Variants in STXBP5 observed in about 807,000 individuals in gnomAD.
STXBP5 encodes the protein syntaxin-binding protein 5.
In STXBP5, 50 loss-of-function variants were observed where a neutral mutation model predicts 152.4. The ratio of observed to expected loss-of-function variants is 0.33; its 90% CI spans 0.26 to 0.42. The LOEUF (loss-of-function observed/expected upper bound fraction) is 0.42. STXBP5 is among the 10% of genes least tolerant of loss of function. The pLI is 1.00. For synonymous variants in STXBP5, 492 were observed against 494.7 expected (o/e 0.99, Z 0.07); for missense variants, 1,167 against 1,388.6 (o/e 0.84, Z 2.54).
At position 147,314,043 on chromosome 6, in the gene STXBP5, G is replaced by A. The variant is rs937204127; in HGVS notation, c.1293+12G>A. The A allele has an allele frequency of 1.0e-5, 16 of 1,573,126 alleles. No individual in the cohort carries two copies. In the Admixed American group the frequency reaches 2.1e-4, roughly 21 times the overall value. Reference sequence around the variant, plus strand: ...GTTACAGCAAAAAGGTATTGAACATGAGCTTCAGTATTTAATGTTATATTT... The same window carrying A: ...GTTACAGCAAAAAGGTATTGAACATAAGCTTCAGTATTTAATGTTATATTT... On this transcript the variant is annotated intron_variant, in intron 12 of 27. Transcript: ENST00000321680.
intron 19 of STXBP5, among the ~76,000 whole-genome samples, chr6:147,336,768 T>G (rs775468565): frequency 6.6e-6 from 1 of 152,042 alleles, no homozygotes; most frequent in Non-Finnish European, 1.5e-5. Context: ...CTTGTAAATA[T>G]TAAGTGGAAG....
intron 2 of STXBP5, among the ~76,000 whole-genome samples, chr6:147,211,071 G>T (rs2115031152): frequency 6.6e-6 from 1 of 152,156 alleles, no homozygotes; most frequent in South Asian, 2.1e-4. Context: ...CCAGCACTTT[G>T]GGAGGCCAAG....
chr6:147,360,322 A>T (rs1168678179), intron 23 of STXBP5, among the ~76,000 whole-genome samples: 1 of 152,152 alleles, frequency 6.6e-6, no homozygotes, highest in Non-Finnish European at 1.5e-5. Flanking sequence ...ACTATAAATC[A>T]TGCTGCTATA....
chr6:147,222,128 C>T (rs1234228443), intron 2 of STXBP5, among the ~76,000 whole-genome samples: 4 of 152,072 alleles, frequency 2.6e-5, no homozygotes, highest in Non-Finnish European at 4.4e-5. Flanking sequence ...GAATTTCCAT[C>T]GTTCTGCTTA....
At chr6:147,239,525 A>T (rs559015635) in intron 4 of STXBP5, among the ~76,000 whole-genome samples, 16 of 152,196 alleles carry the variant, frequency 1.1e-4, no homozygotes, top group African/African-American at 3.6e-4. Flanking sequence ...AAATCTCTGT[A>T]TAGCTCCCCT....
intron 25 of STXBP5, among the ~76,000 whole-genome samples, chr6:147,367,569 C>T (rs1330440578): frequency 1.3e-5 from 2 of 152,008 alleles, no homozygotes; most frequent in Non-Finnish European, 2.9e-5. Flanking sequence ...ACCCGGGAGG[C>T]GGAGCTTGCA....
At position 147,260,628 on chromosome 6, in the gene STXBP5, C is replaced by T. The variant is rs1779597300; in HGVS notation, c.445C>T (p.His149Tyr). The change falls in exon 5 of 28, where the codon CAT becomes TAT. Residue 149 changes from histidine (H) to tyrosine (Y), a missense_variant. Transcript: ENST00000321680. ...KFCRERVTFC[H>Y]LPFQSKWLYV... The stretch of plus-strand genomic sequence containing the variant: ...TTTCTCTTGCAGGGTTACATTTTGC[C>T]ATCTGCCTTTCCAGAGTAAGTGGCT... 1 of 1,613,512 alleles carries T rather than the reference C, an allele frequency of 6.2e-7. No individual in the cohort carries two copies. Among genetic ancestry groups the T allele is most frequent in the Non-Finnish European group, 8.5e-7 (1 of 1,179,674 alleles).
rs965529951 is a variant in STXBP5 at position 147,387,773 on chromosome 6, A to G, written c.*3018A>G. 1 of 151,604 alleles carries G rather than the reference A, an allele frequency of 6.6e-6. No individual in the cohort carries two copies. Among genetic ancestry groups the G allele is most frequent in the Non-Finnish European group, 1.5e-5 (1 of 67,734 alleles). 9.4% of individuals were successfully genotyped at this position (151,604 alleles called of 1,614,324 possible). ...ACAATTTAATTAAGTACAATAGTTTAAAGAACGAAGCAATTTTTTTTTTTT... is the reference window on the plus strand; with the variant it reads ...ACAATTTAATTAAGTACAATAGTTTGAAGAACGAAGCAATTTTTTTTTTTT... On this transcript the variant is annotated 3_prime_UTR_variant, in exon 28 of 28. Transcript: ENST00000321680.
rs771711398 is a variant in STXBP5 at position 147,206,117 on chromosome 6, G to T, written c.248+49G>T. On this transcript the variant is annotated intron_variant, in intron 2 of 27. Transcript: ENST00000321680. ...TTTAACTTCTACTTTGTTCTCCCCAGTCCTTCTGTGTTGCTGATTAGTTCC... is the reference window on the plus strand; with the variant it reads ...TTTAACTTCTACTTTGTTCTCCCCATTCCTTCTGTGTTGCTGATTAGTTCC... The T allele has an allele frequency of 2.7e-6, 4 of 1,505,138 alleles. No homozygotes were observed. In the South Asian group the frequency reaches 4.5e-5, roughly 17 times the overall value. The allele number at this position is 1,505,138 out of a possible 1,614,324, so 93.2% of individuals were successfully genotyped here.
At chr6:147,275,119 A>G (rs1380072521) in intron 7 of STXBP5, among the ~76,000 whole-genome samples, 1 of 152,186 alleles carries the variant, frequency 6.6e-6, no homozygotes, top group African/African-American at 2.4e-5. Context: ...CAGAAGGATC[A>G]TAGGTACTAC....
intron 21 of STXBP5, among the ~76,000 whole-genome samples, chr6:147,350,889 C>T (rs965279863): frequency 1.3e-5 from 2 of 152,072 alleles, no homozygotes; most frequent in Non-Finnish European, 2.9e-5. Context: ...AATGATGAAA[C>T]TTGAAGTTTA....
chr6:147,330,592 A>G (rs1215869136), intron 18 of STXBP5, among the ~76,000 whole-genome samples: 1 of 152,212 alleles, frequency 6.6e-6, no homozygotes, highest in East Asian at 1.9e-4. Context: ...ATGTGCATAT[A>G]GAAAATAGAA....
At position 147,244,987 on chromosome 6, in the gene STXBP5, C is replaced by CTT. The variant is rs57889304; in HGVS notation, c.431+5740_431+5741dup. Among the ~76,000 whole-genome samples the CTT allele has an allele frequency of 2.6e-3, 222 of 86,180 alleles. 3 individuals are homozygous for CTT. Among genetic ancestry groups the CTT allele is most frequent in the African/African-American group, 4.8e-3 (90 of 18,780 alleles). The allele number at this position is 86,180 out of a possible 152,430, so 56.5% of individuals were successfully genotyped here. ...ATACTGCTTGAGGTTTGCTGAGCTG[C>CTT]TTTTTTTTTTTTTTTTTTTTTTTTA... On this transcript the variant is annotated intron_variant, in intron 4 of 27. Transcript: ENST00000321680.
In STXBP5 at chr6:147,258,723, G is replaced by A. The variant is rs185757217; in HGVS notation, c.432-1892G>A. Among the ~76,000 whole-genome samples the A allele has an allele frequency of 4.2e-3, 632 of 152,200 alleles. 4 individuals carry two copies. Among genetic ancestry groups the A allele is most frequent in the Non-Finnish European group, 5.6e-3 (384 of 68,010 alleles). Reference sequence around the variant, plus strand: ...GCTGGGATTACAGGCGTGAGCCACCGCGCCCAGCCCATAACACATAATTTT... The same window carrying A: ...GCTGGGATTACAGGCGTGAGCCACCACGCCCAGCCCATAACACATAATTTT... On this transcript the variant is annotated intron_variant, in intron 4 of 27. Transcript: ENST00000321680.
At chr6:147,254,183 G>C (rs2115301255) in intron 4 of STXBP5, among the ~76,000 whole-genome samples, 2 of 152,212 alleles carry the variant, frequency 1.3e-5, no homozygotes, top group Middle Eastern at 6.8e-3. Flanking sequence ...ACAAAAACAA[G>C]CAATGGGGAA....
chr6:147,347,573 A>G (rs1784394038), intron 21 of STXBP5, among the ~76,000 whole-genome samples: 1 of 152,204 alleles, frequency 6.6e-6, no homozygotes, highest in Non-Finnish European at 1.5e-5. Flanking sequence ...AAAATAATAT[A>G]ACTAATACAA....
chr6:147,325,353 C>A (rs552763386), intron 17 of STXBP5, among the ~76,000 whole-genome samples: 4 of 151,994 alleles, frequency 2.6e-5, no homozygotes, highest in Non-Finnish European at 5.9e-5. Flanking sequence ...GTCAGTATAT[C>A]CTCTCCTAAA....
intron 9 of STXBP5, chr6:147,293,376 C>T (rs909840577): frequency 1.3e-5 from 2 of 152,144 alleles, no homozygotes; most frequent in African/African-American, 4.8e-5. Flanking sequence ...ACATATTCTT[C>T]TTTTCTCTCA....
At chr6:147,255,322 G>A (rs1266809068) in intron 4 of STXBP5, among the ~76,000 whole-genome samples, 2 of 152,180 alleles carry the variant, frequency 1.3e-5, no homozygotes, top group Non-Finnish European at 2.9e-5. Flanking sequence ...GAGAGGCTAG[G>A]GGAGGGATAG....
Sources: gnomAD v4.1 joint callset for allele counts (sites outside exome capture counted in the v4.1 genomes callset) on GRCh38, gnomAD v4.1.1 for gene constraint, MANE v1.5 for transcripts, NCBI Gene and HGNC (gene_info 2026-07-23, HGNC 2026-07-21) for gene names.